The following CDK5RAP2 variants were observed in gnomAD, a reference collection of about 807,000 sequenced individuals.
The protein encoded by CDK5RAP2 is CDK5 regulatory subunit-associated protein 2.
In CDK5RAP2, 147 loss-of-function variants were observed where a neutral mutation model predicts 232.9. That is an observed-to-expected ratio of 0.63 (90% CI 0.55 to 0.72). The LOEUF is 0.72. Among genes scored for constraint, CDK5RAP2 ranks in the 30% least tolerant of loss-of-function variants. The probability of loss-of-function intolerance (pLI) is 0.00; values close to 1 mark genes in which losing one functional copy is unlikely to be tolerated. For synonymous variants in CDK5RAP2, 833 were observed against 833.7 expected, an observed-to-expected ratio of 1.00 and a Z score of 0.01; for missense variants, 2,195 against 2,231.5, an observed-to-expected ratio of 0.98 and a Z score of 0.33.
At position 120,394,663 on chromosome 9, in the gene CDK5RAP2, A is replaced by C. The variant is rs1588215987; in HGVS notation, c.5452-25T>G. The C allele has an allele frequency of 7.1e-6, 11 of 1,549,374 alleles. No homozygotes were observed. The African/African-American group carries it at 9.5e-5, about 13-fold the overall frequency. On this transcript the variant is annotated intron_variant, in intron 35 of 37. Transcript: ENST00000349780. ...TCTAAAGAGAAGAGAAATTAGAAAA[A>C]TGAACAAAGAACATAAACATCATGT...
chr9:120,461,128 T>C (rs1263673447), intron 18 of CDK5RAP2, among the ~76,000 whole-genome samples: 1 of 152,242 alleles, frequency 6.6e-6, no homozygotes, highest in Non-Finnish European at 1.5e-5. Flanking sequence ...AATTTATGCA[T>C]CACTTCTATT....
chr9:120,416,743 C>T (rs1374144358), intron 27 of CDK5RAP2, among the ~76,000 whole-genome samples: 1 of 152,136 alleles, frequency 6.6e-6, no homozygotes, highest in East Asian at 1.9e-4. Context: ...TATCCAAAGG[C>T]AAAACTAATG....
chr9:120,514,372 GCACACACA>G (rs147140839), intron 12 of CDK5RAP2, among the ~76,000 whole-genome samples: 1 of 150,938 alleles, frequency 6.6e-6, no homozygotes, highest in East Asian at 1.9e-4. Flanking sequence ...TTATACACAC[GCACACACA>G]CACACACCCT....
At chr9:120,491,242 GAATT>G in intron 13 of CDK5RAP2, 61 bp downstream of exon 13, 3 of 1,183,576 alleles carry the variant, frequency 2.5e-6, no homozygotes, top group Non-Finnish European at 3.8e-6. Flanking sequence ...TTCTGCAAAA[GAATT>G]ATTTTTTAAA....
intron 12 of CDK5RAP2, among the ~76,000 whole-genome samples, chr9:120,507,655 G>A (rs1004864519): frequency 1.4e-4 from 21 of 151,754 alleles, no homozygotes; most frequent in African/African-American, 3.4e-4. Flanking sequence ...AGAGCCCCCC[G>A]GGTGCATCTG....
chr9:120,564,360 T>C (rs971219612), intron 3 of CDK5RAP2, among the ~76,000 whole-genome samples: 3 of 151,726 alleles, frequency 2.0e-5, no homozygotes, highest in Non-Finnish European at 2.9e-5. Context: ...CATGGTGGCA[T>C]ACGCCTGTAA....
intron 28 of CDK5RAP2, among the ~76,000 whole-genome samples, chr9:120,413,196 A>G (rs947366255): frequency 9.2e-5 from 14 of 152,370 alleles, no homozygotes; most frequent in African/African-American, 3.4e-4. Flanking sequence ...TGGCAAAGAA[A>G]TAGGCCAAAG....
chr9:120,475,691 A>T (rs2037969449), intron 15 of CDK5RAP2, among the ~76,000 whole-genome samples: 1 of 152,194 alleles, frequency 6.6e-6, no homozygotes, highest in South Asian at 2.1e-4. Flanking sequence ...TACTCCCAGA[A>T]TTTCAGCAGC....
At chr9:120,509,100 C>T (rs961194883) in intron 12 of CDK5RAP2, among the ~76,000 whole-genome samples, 1 of 152,210 alleles carries the variant, frequency 6.6e-6, no homozygotes, top group African/African-American at 2.4e-5. Context: ...CACTGAGATT[C>T]TCCAGAGTTT....
At position 120,410,310 on chromosome 9, in the gene CDK5RAP2, G is replaced by A. The variant is rs538926723; in HGVS notation, c.4415-994C>T. ...CTGCCTACCCTTCCTGAACGGCCTA[G>A]ACTCTCCTCATTGCTAACCCCTGGG... On this transcript the variant is annotated intron_variant, in intron 29 of 37. Coordinates refer to ENST00000349780, the MANE Select transcript of CDK5RAP2 (RefSeq NM_018249.6). Among the ~76,000 whole-genome samples the A allele has an allele frequency of 2.0e-5, 3 of 152,264 alleles. No homozygotes were observed. The South Asian group carries it at 6.2e-4, about 32-fold the overall frequency.
intron 36 of CDK5RAP2, among the ~76,000 whole-genome samples, chr9:120,392,988 G>A (rs1416272647): frequency 6.6e-6 from 1 of 152,144 alleles, no homozygotes. Context: ...TTGCAACCTG[G>A]TTCCTGCTTC....
chr9:120,577,734 A>T (rs2043088138), intron 1 of CDK5RAP2, among the ~76,000 whole-genome samples: 1 of 152,184 alleles, frequency 6.6e-6, no homozygotes, highest in South Asian at 2.1e-4. Context: ...CCCCTTTTAC[A>T]GATGATAAAC....
At chr9:120,466,406 C>G (rs1230387400) in intron 18 of CDK5RAP2, among the ~76,000 whole-genome samples, 2 of 152,120 alleles carry the variant, frequency 1.3e-5, no homozygotes, top group Non-Finnish European at 2.9e-5. Context: ...CTATGAAGAA[C>G]AAGGCTATTC....
At position 120,580,035 on chromosome 9, in the gene CDK5RAP2, C is replaced by G. The variant is rs2043187837; in HGVS notation, c.-57G>C. Reference sequence around the variant, plus strand: ...GTGGCGGCGGCGCCACTAGTACCCCCCGCGATAGCGACCCGCCGGGCTCCC... The same window carrying G: ...GTGGCGGCGGCGCCACTAGTACCCCGCGCGATAGCGACCCGCCGGGCTCCC... On this transcript the variant is annotated 5_prime_UTR_variant, in exon 1 of 38. Coordinates refer to ENST00000349780, the MANE Select transcript of CDK5RAP2 (RefSeq NM_018249.6). 11 of 1,198,796 alleles carry G rather than the reference C, an allele frequency of 9.2e-6. No individual in the cohort carries two copies. In the South Asian group the frequency reaches 1.4e-4, roughly 15 times the overall value. The allele number at this position is 1,198,796 out of a possible 1,614,324, so 74.3% of individuals were successfully genotyped here.
intron 13 of CDK5RAP2, 76 bp downstream of exon 13, chr9:120,491,231 T>C: frequency 9.0e-7 from 1 of 1,107,564 alleles, no homozygotes; most frequent in Non-Finnish European, 1.4e-6. Flanking sequence ...ATCATAAATA[T>C]TTCTGCAAAA....
At chr9:120,484,726 A>AAAAT (rs1160491236) in intron 14 of CDK5RAP2, among the ~76,000 whole-genome samples, 7 of 152,074 alleles carry the variant, frequency 4.6e-5, no homozygotes, top group Admixed American at 6.5e-5. Context: ...TCTGTCTCAA[A>AAAAT]AAATAAATAA....
At chr9:120,558,492 G>C (rs1335027277) in intron 3 of CDK5RAP2, among the ~76,000 whole-genome samples, 2 of 148,588 alleles carry the variant, frequency 1.3e-5, no homozygotes, top group Non-Finnish European at 3.0e-5. Context: ...CCCTCTATTA[G>C]CTCTTTTTTC....
intron 18 of CDK5RAP2, among the ~76,000 whole-genome samples, chr9:120,465,138 T>C (rs1274113102): frequency 1.3e-5 from 2 of 152,176 alleles, no homozygotes; most frequent in African/African-American, 4.8e-5. Flanking sequence ...AAGTAAATAA[T>C]AATAGTGACT....
At chr9:120,397,544 TAA>T (rs760469422) in intron 35 of CDK5RAP2, among the ~76,000 whole-genome samples, 97 of 49,192 alleles carry the variant, frequency 2.0e-3, no homozygotes, top group Non-Finnish European at 2.5e-3. Context: ...AAAACATTCT[TAA>T]AAAAAAAAAA....
Sources: allele counts gnomAD v4.1 joint callset (sites outside exome capture counted in the v4.1 genomes callset), GRCh38; gene constraint gnomAD v4.1.1; transcripts MANE v1.5; gene names NCBI Gene and HGNC (gene_info 2026-07-23, HGNC 2026-07-21).